The following FAXC variants were observed in gnomAD, a reference collection of about 807,000 sequenced individuals.
The protein encoded by FAXC is failed axon connections homolog.
Under a neutral mutation model 41.9 loss-of-function variants are expected in FAXC, and 10 were observed. The observed-to-expected ratio is 0.24, with a 90% CI of 0.15 to 0.41. FAXC has a LOEUF of 0.41. FAXC is among the 10% of genes least tolerant of loss of function. The pLI is 1.00. For missense variants in FAXC, 399 were observed against 510.9 expected (o/e 0.78, Z 2.11); for synonymous variants, 183 against 183.8 (o/e 1.00, Z 0.03).
chr6:99,283,884 C>G (rs1770921369), intron 5 of FAXC, among the ~76,000 whole-genome samples: 1 of 152,162 alleles, frequency 6.6e-6, no homozygotes, highest in African/African-American at 2.4e-5. Flanking sequence ...TACAGAAAAT[C>G]AGAATCTATT....
At chr6:99,343,331 G>A (rs1773488553) in intron 1 of FAXC, among the ~76,000 whole-genome samples, 1 of 152,156 alleles carries the variant, frequency 6.6e-6, no homozygotes, top group Admixed American at 6.5e-5. Flanking sequence ...TGGCCTCCGG[G>A]CAGCAAGAAC....
chr6:99,315,136 G>A (rs187029192), intron 4 of FAXC, among the ~76,000 whole-genome samples: 236 of 148,100 alleles, frequency 1.6e-3, no homozygotes, highest in African/African-American at 5.5e-3. Flanking sequence ...TGAGGGCTGA[G>A]GTAAGAGAAT....
chr6:99,308,160 G>A (rs12190711), intron 4 of FAXC, among the ~76,000 whole-genome samples: 6,099 of 152,258 alleles, frequency 0.04, 174 homozygotes, highest in Non-Finnish European at 0.059. Flanking sequence ...ACCCAGGCAT[G>A]GTGGCAGGTG....
Position 99,275,515 on chromosome 6 carries a change from T to C in FAXC, c.*5649A>G, listed in dbSNP as rs1770570137. 1 of 152,234 alleles carries C rather than the reference T, an allele frequency of 6.6e-6. No individual in the cohort carries two copies. The highest frequency in any genetic ancestry group is 6.5e-5 in the Admixed American group (1 of 15,280). 9.4% of individuals were successfully genotyped at this position (152,234 alleles called of 1,614,324 possible). ...GAAATTTGAGCATCCTAGTTTGTCATGGTCCAGCCAATAGCAGGAGTTTTA... is the reference window on the plus strand; with the variant it reads ...GAAATTTGAGCATCCTAGTTTGTCACGGTCCAGCCAATAGCAGGAGTTTTA... On this transcript the variant is annotated 3_prime_UTR_variant, in exon 6 of 6. Transcript: ENST00000389677.
chr6:99,309,344 T>C (rs142440865), intron 4 of FAXC, among the ~76,000 whole-genome samples: 1 of 152,260 alleles, frequency 6.6e-6, no homozygotes, highest in East Asian at 1.9e-4. Flanking sequence ...AGAGACCAGA[T>C]AGAGCCTGTC....
Position 99,281,189 on chromosome 6 carries a change from T to C in FAXC, c.1205A>G (p.Tyr402Cys). 8 of 1,502,792 alleles carry C rather than the reference T, an allele frequency of 5.3e-6. No homozygotes were observed. The highest frequency in any genetic ancestry group is 7.4e-6 in the Non-Finnish European group (8 of 1,078,596). The allele number at this position is 1,502,792 out of a possible 1,614,324, so 93.1% of individuals were successfully genotyped here. A position where few individuals can be genotyped will look rare whatever the true frequency, so the allele number is the denominator to read the frequency against. The change falls in exon 6 of 6, where the codon TAT (tyrosine) becomes TGT (cysteine). Residue 402 changes from tyrosine to cysteine, a missense_variant. Physicochemically the swap from Tyr to Cys is radical, Grantham distance 194. Transcript: ENST00000389677. ...TCACTTGCACTGTTCGTGGTCTGTATAGTCATCCATGTCCACATCCGAATC... is the reference window on the plus strand; with the variant it reads ...TCACTTGCACTGTTCGTGGTCTGTACAGTCATCCATGTCCACATCCGAATC... ...LFDSDVDMDD[Y>C]TDHEQCK
Position 99,281,416 on chromosome 6 carries a change from T to C in FAXC, c.978A>G (p.Ile326Met). The stretch of plus-strand genomic sequence containing the variant: ...GCCACTCTGGCCAAAATTTCCTCCT[T>C]ATCCTCTCACAGTACATGGCAAGGT... ...LINLAMYCER[I>M]RRKFWPEWHH... The change falls in exon 6 of 6, where the codon ATA becomes ATG. Residue 326 changes from isoleucine (I) to methionine (M), a missense_variant. Ile to Met is a conservative substitution (Grantham distance 10). Coordinates refer to ENST00000389677, the MANE Select transcript of FAXC (RefSeq NM_032511.4). 2 of 1,614,132 alleles carry C rather than the reference T, an allele frequency of 1.2e-6. No homozygotes were observed. Among genetic ancestry groups the C allele is most frequent in the Non-Finnish European group, 1.7e-6 (2 of 1,179,986 alleles).
chr6:99,327,223 A>T (rs1002024657), intron 3 of FAXC, among the ~76,000 whole-genome samples: 1 of 152,202 alleles, frequency 6.6e-6, no homozygotes, highest in African/African-American at 2.4e-5. Flanking sequence ...GGCCAGTGAA[A>T]TGTGTATAAA....
At chr6:99,289,728 T>C (rs1380557664) in intron 5 of FAXC, among the ~76,000 whole-genome samples, 3 of 151,514 alleles carry the variant, frequency 2.0e-5, no homozygotes, top group African/African-American at 4.9e-5. Flanking sequence ...TGTATATATA[T>C]ATATAGTCCA....
At position 99,271,486 on chromosome 6, in the gene FAXC, C is replaced by T. The variant is rs560863341; in HGVS notation, c.*9678G>A. The T allele has an allele frequency of 6.6e-6, 1 of 152,256 alleles. No individual in the cohort carries two copies. Among genetic ancestry groups the T allele is most frequent in the African/African-American group, 2.4e-5 (1 of 41,444 alleles). 9.4% of individuals were successfully genotyped at this position (152,256 alleles called of 1,614,324 possible). A position where few individuals can be genotyped will look rare whatever the true frequency, so the allele number is the denominator to read the frequency against. On this transcript the variant is annotated 3_prime_UTR_variant, in exon 6 of 6. Transcript: ENST00000389677. Reference sequence around the variant, plus strand: ...GGTCGAGCATCCCAAATCCAAAAATCCAAAATCTGAAACGCTCCAAAATCC... The same window carrying T: ...GGTCGAGCATCCCAAATCCAAAAATTCAAAATCTGAAACGCTCCAAAATCC...
Position 99,279,976 on chromosome 6 carries a change from T to A in FAXC, c.*1188A>T, listed in dbSNP as rs1770765928. The A allele has an allele frequency of 6.6e-6, 1 of 152,212 alleles. No homozygotes were observed. Among genetic ancestry groups the A allele is most frequent in the Non-Finnish European group, 1.5e-5 (1 of 68,046 alleles). The allele number at this position is 152,212 out of a possible 1,614,324, so 9.4% of individuals were successfully genotyped here. On this transcript the variant is annotated 3_prime_UTR_variant, in exon 6 of 6. Coordinates refer to ENST00000389677, the MANE Select transcript of FAXC (RefSeq NM_032511.4). ...TGCAAGGTTTGTTTTCAAAAAGACA[T>A]TACAAGTTGGCAGGCTTCTGCTTAT...
At chr6:99,308,840 T>C (rs550248439) in intron 4 of FAXC, among the ~76,000 whole-genome samples, 3 of 152,346 alleles carry the variant, frequency 2.0e-5, no homozygotes, top group African/African-American at 7.2e-5. Flanking sequence ...CTGAGTTAGG[T>C]GACAGAATAA....
In FAXC at chr6:99,296,225, GGCTTCGGACTGCA is replaced by G. The variant is rs1180071267; in HGVS notation, c.824-4418_824-4406del. 1.2e-4 allele frequency among the ~76,000 whole-genome samples: 18 copies of G among 152,258 alleles called. No homozygotes were observed. In the East Asian group the frequency reaches 3.1e-3, roughly 26 times the overall value. The stretch of plus-strand genomic sequence containing the variant: ...TTAGAGACAAAGAGGCCAAGTTAAA[GGCTTCGGACTGCA>G]GCACTCTTGGGGTTTGCAAAGTGGC... On this transcript the variant is annotated intron_variant, in intron 4 of 5. Transcript: ENST00000389677.
At chr6:99,337,069 A>G (rs188438641) in intron 2 of FAXC, among the ~76,000 whole-genome samples, 1 of 152,338 alleles carries the variant, frequency 6.6e-6, no homozygotes, top group East Asian at 1.9e-4. Flanking sequence ...TTGGAGCTGC[A>G]TGTTGAAGTA....
intron 4 of FAXC, among the ~76,000 whole-genome samples, chr6:99,304,438 TTTC>T (rs968306575): frequency 1.3e-5 from 2 of 152,172 alleles, no homozygotes; most frequent in Non-Finnish European, 2.9e-5. Flanking sequence ...AGTGTTTCCT[TTTC>T]TTAGAAAATA....
chr6:99,326,047 C>A (rs1361648299), intron 3 of FAXC, among the ~76,000 whole-genome samples: 1 of 152,188 alleles, frequency 6.6e-6, no homozygotes, highest in Non-Finnish European at 1.5e-5. Context: ...GTACAGGCTG[C>A]ATTTGAGGAA....
chr6:99,283,737 G>C (rs906446923), intron 5 of FAXC, among the ~76,000 whole-genome samples: 1 of 151,970 alleles, frequency 6.6e-6, no homozygotes, highest in Non-Finnish European at 1.5e-5. Context: ...AAAGATGTGA[G>C]GGCAGCAGCA....
At position 99,278,777 on chromosome 6, in the gene FAXC, A is replaced by G. The variant is rs972359928; in HGVS notation, c.*2387T>C. 8 of 152,354 alleles carry G rather than the reference A, an allele frequency of 5.3e-5. No homozygotes were observed. Among genetic ancestry groups the G allele is most frequent in the Admixed American group, 3.3e-4 (5 of 15,300 alleles). The allele number at this position is 152,354 out of a possible 1,614,324, so 9.4% of individuals were successfully genotyped here. A position where few individuals can be genotyped will look rare whatever the true frequency, so the allele number is the denominator to read the frequency against. On this transcript the variant is annotated 3_prime_UTR_variant, in exon 6 of 6. Coordinates refer to ENST00000389677, the MANE Select transcript of FAXC (RefSeq NM_032511.4). ...AGACTCCAGATAGCAATGTCCATTC[A>G]TGCCCCTGTAAGAGGTACCTGGATG...
Position 99,327,205 on chromosome 6 carries a change from AG to A in FAXC, c.600-3539del, listed in dbSNP as rs1165082280. Among the ~76,000 whole-genome samples the A allele has an allele frequency of 2.0e-5, 3 of 152,334 alleles. No homozygotes were observed. The East Asian group carries it at 5.8e-4, about 29-fold the overall frequency. ...TAAATGAGGGTCAGGCAGGTCTTTAAGGGTTGAGGCCAGTGAAATGTGTATA... is the reference window on the plus strand; with the variant it reads ...TAAATGAGGGTCAGGCAGGTCTTTAAGGTTGAGGCCAGTGAAATGTGTATA... On this transcript the variant is annotated intron_variant, in intron 3 of 5. Transcript: ENST00000389677.
Sources: gnomAD v4.1 joint callset for allele counts (sites outside exome capture counted in the v4.1 genomes callset) on GRCh38, gnomAD v4.1.1 for gene constraint, MANE v1.5 for transcripts, NCBI Gene and HGNC (gene_info 2026-07-23, HGNC 2026-07-21) for gene names.